The following LOC122539214 variants were observed in gnomAD, a reference collection of about 807,000 sequenced individuals.
the LOC122539214 span, chr19:52,655,441 A>G: frequency 2.1e-6 from 2 of 963,630 alleles, no homozygotes; most frequent in Non-Finnish European, 3.1e-6. Context: ...CACTGCAGAA[A>G]ACAATGACAT....
chr19:52,676,314 C>G, the LOC122539214 span, among the ~76,000 whole-genome samples: 166 of 152,220 alleles, frequency 1.1e-3, no homozygotes, highest in African/African-American at 3.2e-3. Flanking sequence ...GTGCAGTGGC[C>G]TGATCTCGGC....
chr19:52,653,485 GGTTTCTCTCCAGTA>G, the LOC122539214 span, among the ~76,000 whole-genome samples: 1 of 152,154 alleles, frequency 6.6e-6, no homozygotes, highest in African/African-American at 2.4e-5. Context: ...ACATTTGTAT[GGTTTCTCTCCAGTA>G]TGAATTCGCC....
the LOC122539214 span, among the ~76,000 whole-genome samples, chr19:52,676,041 C>T: frequency 3.9e-4 from 59 of 152,196 alleles, 1 homozygote; most frequent in East Asian, 0.011. Context: ...ATACAGCTCT[C>T]GCTCTCCCTC....
the LOC122539214 span, among the ~76,000 whole-genome samples, chr19:52,688,950 GAAAAAAA>G: frequency 4.7e-5 from 6 of 126,784 alleles, no homozygotes; most frequent in Non-Finnish European, 6.6e-5. Flanking sequence ...AAGGTTGAAG[GAAAAAAA>G]AAAAAAAAAA....
chr19:52,673,954 C>T, the LOC122539214 span, among the ~76,000 whole-genome samples: 5 of 138,376 alleles, frequency 3.6e-5, no homozygotes, highest in Non-Finnish European at 7.6e-5. Flanking sequence ...AGGTGGAGGC[C>T]GCAGTGAGTC....
the LOC122539214 span, among the ~76,000 whole-genome samples, chr19:52,675,061 C>T: frequency 6.6e-6 from 1 of 152,166 alleles, no homozygotes; most frequent in Admixed American, 6.5e-5. Flanking sequence ...ATGAGTGACA[C>T]AGGAAAAGGG....
chr19:52,653,455 A>C, the LOC122539214 span, among the ~76,000 whole-genome samples: 2 of 152,188 alleles, frequency 1.3e-5, no homozygotes, highest in Admixed American at 6.5e-5. Flanking sequence ...ATTATGCCTA[A>C]AAGCTTTGTC....
chr19:52,663,154 C>A, the LOC122539214 span, among the ~76,000 whole-genome samples: 1 of 151,816 alleles, frequency 6.6e-6, no homozygotes, highest in African/African-American at 2.4e-5. Flanking sequence ...CAGAGTGACA[C>A]TCCATCTCAA....
chr19:52,681,258 G>GGGT, the LOC122539214 span, among the ~76,000 whole-genome samples: 1 of 131,402 alleles, frequency 7.6e-6, no homozygotes. Flanking sequence ...ACTCCAGCCT[G>GGGT]GGTGACAGAG....
the LOC122539214 span, among the ~76,000 whole-genome samples, chr19:52,676,547 T>TG: frequency 2.7e-5 from 4 of 149,970 alleles, no homozygotes; most frequent in Non-Finnish European, 5.9e-5. Flanking sequence ...GGGAGGGAGG[T>TG]GGGGGGCGCC....
chr19:52,650,961 A>C, the LOC122539214 span: 1 of 152,254 alleles, frequency 6.6e-6, no homozygotes, highest in Non-Finnish European at 1.5e-5. Flanking sequence ...CCAGGGAAAC[A>C]GTGAAAAGAA....
the LOC122539214 span, among the ~76,000 whole-genome samples, chr19:52,677,329 A>AT: frequency 0.089 from 11,437 of 128,868 alleles, 876 homozygotes; most frequent in East Asian, 0.37. Flanking sequence ...AAAAAAAAAA[A>AT]ACAAAAATTA....
At chr19:52,690,494 T>C in the LOC122539214 span, 1,546 of 186,356 alleles carry the variant, frequency 8.3e-3, 17 homozygotes, top group African/African-American at 0.034. Flanking sequence ...TTTGCGAGAA[T>C]CTGCGCGCGC....
the LOC122539214 span, among the ~76,000 whole-genome samples, chr19:52,677,069 T>C: frequency 6.8e-6 from 1 of 146,970 alleles, no homozygotes; most frequent in Non-Finnish European, 1.5e-5. Flanking sequence ...CCTCCACTGT[T>C]GTCCTATGAC....
the LOC122539214 span, among the ~76,000 whole-genome samples, chr19:52,658,093 G>A: frequency 6.7e-6 from 1 of 148,238 alleles, no homozygotes; most frequent in African/African-American, 2.5e-5. Context: ...CCAAGTTCAT[G>A]CCATTGCACT....
chr19:52,665,648 T>C, the LOC122539214 span, among the ~76,000 whole-genome samples: 22 of 152,268 alleles, frequency 1.4e-4, no homozygotes, highest in East Asian at 3.1e-3. Context: ...CCAACCTGAC[T>C]CATTCCATAA....
the LOC122539214 span, among the ~76,000 whole-genome samples, chr19:52,687,601 A>G: frequency 7.0e-3 from 205 of 29,412 alleles, 27 homozygotes; most frequent in African/African-American, 0.026. Flanking sequence ...TATATAATGT[A>G]TATATATATA....
the LOC122539214 span, among the ~76,000 whole-genome samples, chr19:52,686,480 A>G: frequency 3.0e-5 from 4 of 132,424 alleles, no homozygotes; most frequent in African/African-American, 1.2e-4. Context: ...ATATATATAT[A>G]TAAATAAATG....
chr19:52,654,124 C>T, the LOC122539214 span: 19 of 1,605,444 alleles, frequency 1.2e-5, no homozygotes, highest in South Asian at 1.9e-4. Context: ...AAAGCTTGAT[C>T]CAAGCTGATC....
Sources: allele counts gnomAD v4.1 joint callset (sites outside exome capture counted in the v4.1 genomes callset), GRCh38; gene constraint gnomAD v4.1.1; transcripts MANE v1.5.